TMEM132D: variants seen among roughly 807,000 people sequenced by gnomAD.
TMEM132D encodes the protein transmembrane protein 132D.
A neutral mutation model predicts 62.3 loss-of-function variants in TMEM132D; 21 were observed. The observed-to-expected ratio is 0.34, with a 90% CI of 0.24 to 0.49. The LOEUF is 0.49. Ranked by LOEUF, TMEM132D falls within the 20% of genes least tolerant of loss-of-function variation. TMEM132D has a pLI of 0.99. For synonymous variants in TMEM132D, 621 were observed against 575.6 expected (o/e 1.08, Z -1.13); for missense variants, 1,346 against 1,402.8 (o/e 0.96, Z 0.65).
Position 129,743,601 on chromosome 12 carries a change from A to C in TMEM132D, c.80-42903T>G, listed in dbSNP as rs12423547. On this transcript the variant is annotated intron_variant, in intron 1 of 8. Transcript: ENST00000422113. ...GTCTTTATTAGCAGCATGAGAATGG[A>C]CTAATGCATCCCCCTACAACCAAAA... 6.8e-3 allele frequency among the ~76,000 whole-genome samples: 1,021 copies of C among 150,792 alleles called. 37 individuals are homozygous for C. Among genetic ancestry groups the C allele is most frequent in the Admixed American group, 0.061 (904 of 14,856 alleles).
chr12:129,092,590 G>A (rs1455300224), intron 5 of TMEM132D, among the ~76,000 whole-genome samples: 4 of 152,164 alleles, frequency 2.6e-5, no homozygotes, highest in African/African-American at 4.8e-5. Context: ...AGCTACTTGG[G>A]AGGCTGAGGA....
intron 2 of TMEM132D, among the ~76,000 whole-genome samples, chr12:129,668,244 C>G (rs1880423680): frequency 6.9e-6 from 1 of 144,968 alleles, no homozygotes; most frequent in Non-Finnish European, 1.5e-5. Context: ...ATTAGTGTAC[C>G]TTATTACACT....
At chr12:129,194,340 C>T (rs1321330184) in intron 5 of TMEM132D, among the ~76,000 whole-genome samples, 1 of 152,192 alleles carries the variant, frequency 6.6e-6, no homozygotes, top group Non-Finnish European at 1.5e-5. Flanking sequence ...GAATACAATC[C>T]TAAACATTAC....
intron 2 of TMEM132D, among the ~76,000 whole-genome samples, chr12:129,562,763 C>G (rs1422144284): frequency 6.6e-6 from 1 of 152,194 alleles, no homozygotes; most frequent in Admixed American, 6.5e-5. Context: ...TTAAAGGGCC[C>G]TTGCTCATGC....
intron 2 of TMEM132D, among the ~76,000 whole-genome samples, chr12:129,540,753 G>C (rs950796863): frequency 1.3e-5 from 2 of 152,140 alleles, no homozygotes; most frequent in Admixed American, 1.3e-4. Flanking sequence ...GCCTCCTAAA[G>C]TAACGAGATT....
At chr12:129,305,538 T>G (rs763369861) in intron 4 of TMEM132D, among the ~76,000 whole-genome samples, 23 of 152,112 alleles carry the variant, frequency 1.5e-4, no homozygotes, top group Admixed American at 3.3e-4. Flanking sequence ...GAAAAAGAAG[T>G]GGCCTGTTAT....
At chr12:129,875,056 ATAAG>A (rs1261819745) in intron 1 of TMEM132D, among the ~76,000 whole-genome samples, 2 of 152,278 alleles carry the variant, frequency 1.3e-5, no homozygotes, top group Non-Finnish European at 2.9e-5. Flanking sequence ...TGTAATTTCA[ATAAG>A]TAAATCAAGC....
chr12:129,250,239 AG>A (rs549880173), intron 4 of TMEM132D, among the ~76,000 whole-genome samples: 45 of 152,304 alleles, frequency 3.0e-4, no homozygotes, highest in African/African-American at 9.9e-4. Context: ...AGAAGCCAAC[AG>A]GGCAAAGGAA....
At chr12:129,288,523 C>T (rs1881364694) in intron 4 of TMEM132D, among the ~76,000 whole-genome samples, 1 of 152,152 alleles carries the variant, frequency 6.6e-6, no homozygotes, top group Admixed American at 6.5e-5. Context: ...CTCTAATCAT[C>T]AGAGAAATGC....
intron 1 of TMEM132D, among the ~76,000 whole-genome samples, chr12:129,861,515 A>C (rs1873895079): frequency 6.6e-6 from 1 of 152,140 alleles, no homozygotes; most frequent in South Asian, 2.1e-4. Context: ...AATCCCAACA[A>C]TTTGGGAGGC....
intron 1 of TMEM132D, among the ~76,000 whole-genome samples, chr12:129,865,320 G>A (rs966414386): frequency 5.9e-5 from 9 of 152,276 alleles, no homozygotes; most frequent in Middle Eastern, 3.4e-3. Flanking sequence ...AATAATGTCC[G>A]GTGTGGCTGG....
At chr12:129,286,288 G>C (rs1490771982) in intron 4 of TMEM132D, among the ~76,000 whole-genome samples, 3 of 152,152 alleles carry the variant, frequency 2.0e-5, no homozygotes, top group Non-Finnish European at 4.4e-5. Context: ...TTTCATGTAT[G>C]GTGTTTAATA....
At chr12:129,387,920 G>C (rs1593360667) in intron 3 of TMEM132D, among the ~76,000 whole-genome samples, 1 of 82,360 alleles carries the variant, frequency 1.2e-5, no homozygotes, top group African/African-American at 4.8e-5. Context: ...GACACTAACA[G>C]CAACACCAAT....
Position 129,452,693 on chromosome 12 carries a change from AAAAGAAGAAAAG to A in TMEM132D, c.1115+78354_1115+78365del, listed in dbSNP as rs368624641. Among the ~76,000 whole-genome samples, 13 of 149,966 alleles carry A rather than the reference AAAAGAAGAAAAG, an allele frequency of 8.7e-5. 2 individuals are homozygous for A. The highest frequency in any genetic ancestry group is 2.7e-4 in the African/African-American group (11 of 40,390). ...AGTATTTTTAAAAGAAAGGAAGAAAAAAAGAAGAAAAGAAAGAAGAAAGGAGGGGAGAGAGAG... is the reference window on the plus strand; with the variant it reads ...AGTATTTTTAAAAGAAAGGAAGAAAAAAAGAAGAAAGGAGGGGAGAGAGAG... On this transcript the variant is annotated intron_variant, in intron 3 of 8. Coordinates refer to ENST00000422113, the MANE Select transcript of TMEM132D (RefSeq NM_133448.3).
At chr12:129,462,331 A>G (rs1183304242) in intron 3 of TMEM132D, among the ~76,000 whole-genome samples, 1 of 152,224 alleles carries the variant, frequency 6.6e-6, no homozygotes, top group East Asian at 1.9e-4. Context: ...ACTGAGTCAG[A>G]GATAGGAACA....
At chr12:129,159,494 C>G (rs528269659) in intron 5 of TMEM132D, among the ~76,000 whole-genome samples, 10 of 152,266 alleles carry the variant, frequency 6.6e-5, no homozygotes, top group Non-Finnish European at 1.3e-4. Flanking sequence ...CGGGCACTCA[C>G]ACCTGTAATC....
In TMEM132D at chr12:129,700,613, G is replaced by T. The variant is rs763982639; in HGVS notation, c.165C>A (p.Asn55Lys). 1 of 1,614,038 alleles carries T rather than the reference G, an allele frequency of 6.2e-7. No homozygotes were observed. The highest frequency in any genetic ancestry group is 1.1e-5 in the South Asian group (1 of 91,072). The part of the protein sequence containing the change: ...TYLPVTYHIN[N>K]ADVSFFLKEA... Reference sequence around the variant, plus strand: ...CCTTCAGGAAGAAGGAGACGTCCGCGTTGTTGATGTGGTAGGTCACGGGGA... The same window carrying T: ...CCTTCAGGAAGAAGGAGACGTCCGCTTTGTTGATGTGGTAGGTCACGGGGA... The change falls in exon 2 of 9, where the codon AAC (asparagine) becomes AAA (lysine). Residue 55 changes from asparagine to lysine, a missense_variant. Transcript: ENST00000422113.
chr12:129,657,779 C>G (rs2137188854), intron 2 of TMEM132D, among the ~76,000 whole-genome samples: 1 of 152,344 alleles, frequency 6.6e-6, no homozygotes, highest in African/African-American at 2.4e-5. Context: ...AACTTAGACA[C>G]TGGATGTTTA....
At chr12:129,580,295 C>A (rs1877809778) in intron 2 of TMEM132D, among the ~76,000 whole-genome samples, 1 of 152,210 alleles carries the variant, frequency 6.6e-6, no homozygotes, top group African/African-American at 2.4e-5. Flanking sequence ...CACCTGCACC[C>A]ATCCAGCTGA....
Sources: gnomAD v4.1 joint callset for allele counts (sites outside exome capture counted in the v4.1 genomes callset) on GRCh38, gnomAD v4.1.1 for gene constraint, MANE v1.5 for transcripts, NCBI Gene and HGNC (gene_info 2026-07-23, HGNC 2026-07-21) for gene names.